The following SOX5 variants were observed in gnomAD, a reference collection of about 807,000 sequenced individuals.
The protein encoded by SOX5 is transcription factor SOX-5.
In SOX5, 9 loss-of-function variants were observed where a neutral mutation model predicts 92.0. That is an observed-to-expected ratio of 0.10 (90% confidence interval 0.06 to 0.17). SOX5 has a LOEUF of 0.17. SOX5 is among the 10% of genes least tolerant of loss of function. The probability of loss-of-function intolerance (pLI) is 1.00; values close to 1 mark genes in which losing one functional copy is unlikely to be tolerated. For synonymous variants in SOX5, 344 were observed against 336.3 expected (o/e 1.02, Z -0.25); for missense variants, 642 against 944.5 (o/e 0.68, Z 4.20).
At chr12:23,653,824 A>T (rs1441667484) in intron 7 of SOX5, among the ~76,000 whole-genome samples, 1 of 152,098 alleles carries the variant, frequency 6.6e-6, no homozygotes, top group South Asian at 2.1e-4. Flanking sequence ...CATTCAGACC[A>T]TAGCAATCCC....
intron 6 of SOX5, among the ~76,000 whole-genome samples, chr12:23,672,461 C>T (rs1004227584): frequency 6.6e-6 from 1 of 152,054 alleles, no homozygotes; most frequent in African/African-American, 2.4e-5. Flanking sequence ...GGCCCCTGGG[C>T]CCTATGAGTT....
intron 2 of SOX5, among the ~76,000 whole-genome samples, chr12:24,329,646 G>A (rs552219184): frequency 6.6e-6 from 1 of 152,174 alleles, no homozygotes; most frequent in Non-Finnish European, 1.5e-5. Context: ...GAATACAAAA[G>A]CATGATAAAT....
At chr12:24,386,495 C>T (rs1566042135) in intron 1 of SOX5, among the ~76,000 whole-genome samples, 1 of 152,082 alleles carries the variant, frequency 6.6e-6, no homozygotes, top group Non-Finnish European at 1.5e-5. Context: ...TTCATGAAAA[C>T]ATCTTATAAA....
At chr12:24,450,364 A>C (rs2069129152) in intron 1 of SOX5, among the ~76,000 whole-genome samples, 1 of 152,208 alleles carries the variant, frequency 6.6e-6, no homozygotes, top group African/African-American at 2.4e-5. Context: ...GCTACATAGC[A>C]GGTATATATA....
intron 2 of SOX5, among the ~76,000 whole-genome samples, chr12:23,877,019 G>A (rs1410165569): frequency 6.6e-6 from 1 of 152,062 alleles, no homozygotes; most frequent in Non-Finnish European, 1.5e-5. Context: ...GGGAGGGACA[G>A]CATTTGGAGA....
chr12:23,979,974 C>T (rs867010456), intron 4 of SOX5, among the ~76,000 whole-genome samples: 9 of 143,390 alleles, frequency 6.3e-5, no homozygotes, highest in Non-Finnish European at 9.2e-5. Flanking sequence ...GATAGATAGA[C>T]AGATAGATAG....
At chr12:24,061,744 G>GAA (rs59840985) in intron 4 of SOX5, among the ~76,000 whole-genome samples, 107 of 81,064 alleles carry the variant, frequency 1.3e-3, no homozygotes, top group Middle Eastern at 6.0e-3. Context: ...CAATATGACA[G>GAA]AAAAAAAAAA....
rs554880057 is a variant in SOX5, at chr12:23,872,361, T to C, written c.270+23432A>G. 9.9e-5 allele frequency among the ~76,000 whole-genome samples: 15 copies of C among 151,896 alleles called. No homozygotes were observed. The South Asian group carries it at 2.3e-3, about 23-fold the overall frequency. ...TACATGTTACATTTATCTACCACCA[T>C]ACCTTCAACTTACTGACTAACAATT... On this transcript the variant is annotated intron_variant, in intron 2 of 14. Transcript: ENST00000451604.
At chr12:23,592,775 T>C (rs1951748462) in intron 9 of SOX5, among the ~76,000 whole-genome samples, 1 of 152,120 alleles carries the variant, frequency 6.6e-6, no homozygotes, top group Non-Finnish European at 1.5e-5. Flanking sequence ...TCAATTTAAA[T>C]AAGAGATATA....
intron 3 of SOX5, among the ~76,000 whole-genome samples, chr12:24,255,605 C>T (rs1941016754): frequency 6.6e-6 from 1 of 151,998 alleles, no homozygotes; most frequent in Admixed American, 6.6e-5. Context: ...ATTAAAGCAG[C>T]TAGGGAATTA....
At chr12:23,719,413 G>A (rs1033123698) in intron 6 of SOX5, among the ~76,000 whole-genome samples, 27 of 152,070 alleles carry the variant, frequency 1.8e-4, no homozygotes, top group Non-Finnish European at 1.3e-4. Flanking sequence ...AAGATTATTA[G>A]CATTTCCATG....
In SOX5 at chr12:23,536,080, A is replaced by T. The variant is rs192717181; in HGVS notation, c.1988+373T>A. Among the ~76,000 whole-genome samples, 351 of 152,266 alleles carry T rather than the reference A, an allele frequency of 2.3e-3. 2 individuals carry two copies. Among genetic ancestry groups the T allele is most frequent in the Middle Eastern group, 0.014 (4 of 294 alleles). ...TATTTTTGCTTTTGAAATGATTTTT[A>T]TTTTGTATTGTCTCAACAAAGTTGT... On this transcript the variant is annotated intron_variant, in intron 14 of 14. Transcript: ENST00000451604.
chr12:23,855,162 C>T (rs1004595893), intron 2 of SOX5, among the ~76,000 whole-genome samples: 9 of 151,972 alleles, frequency 5.9e-5, no homozygotes, highest in African/African-American at 2.2e-4. Context: ...TATGCCTATA[C>T]AAGCAGTTTT....
chr12:24,287,543 C>T (rs964106096), intron 2 of SOX5, among the ~76,000 whole-genome samples: 8 of 148,742 alleles, frequency 5.4e-5, no homozygotes, highest in Admixed American at 1.3e-4. Flanking sequence ...CACAGAAGCG[C>T]GAGCTCAGCA....
chr12:24,380,036 T>C (rs1019970362), intron 1 of SOX5, among the ~76,000 whole-genome samples: 4 of 152,186 alleles, frequency 2.6e-5, no homozygotes, highest in Admixed American at 1.3e-4. Flanking sequence ...AGGGGCATAG[T>C]AGCCTATACA....
chr12:24,142,897 G>C (rs1316103100), intron 4 of SOX5, among the ~76,000 whole-genome samples: 1 of 150,952 alleles, frequency 6.6e-6, no homozygotes, highest in African/African-American at 2.4e-5. Context: ...GATGCGTAGA[G>C]GGCCCTCCTT....
chr12:24,428,726 C>CAAAA lies in SOX5; in HGVS notation c.-250-60091_-250-60088dup, dbSNP rs57964050. 6.4e-4 allele frequency among the ~76,000 whole-genome samples: 21 copies of CAAAA among 32,594 alleles called. 2 individuals are homozygous for CAAAA. Among genetic ancestry groups the CAAAA allele is most frequent in the South Asian group, 5.0e-3 (2 of 400 alleles). The allele number at this position is 32,594 out of a possible 152,430, so 21.4% of individuals were successfully genotyped here. ...GGCAACAGAGTGAGACTCTGTTTCTCAAAAAAAAAAAAAAAAAAAAAAAAA... is the reference window on the plus strand; with the variant it reads ...GGCAACAGAGTGAGACTCTGTTTCTCAAAAAAAAAAAAAAAAAAAAAAAAAAAAA... On this transcript the variant is annotated intron_variant, in intron 1 of 4. Transcript: ENST00000446891.
intron 1 of SOX5, among the ~76,000 whole-genome samples, chr12:23,902,852 CAATT>C (rs1187390903): frequency 6.6e-6 from 1 of 152,078 alleles, no homozygotes; most frequent in Non-Finnish European, 1.5e-5. Flanking sequence ...AAATGAGACA[CAATT>C]AATAATAGGG....
intron 8 of SOX5, among the ~76,000 whole-genome samples, chr12:23,615,699 G>A (rs1398460985): frequency 6.6e-6 from 1 of 151,934 alleles, no homozygotes; most frequent in Non-Finnish European, 1.5e-5. Flanking sequence ...TTTTATGGCT[G>A]TATAGTATTC....
Sources: gnomAD v4.1 joint callset for allele counts (sites outside exome capture counted in the v4.1 genomes callset) on GRCh38, gnomAD v4.1.1 for gene constraint, MANE v1.5 for transcripts, NCBI Gene and HGNC (gene_info 2026-07-23, HGNC 2026-07-21) for gene names.